OSBP2: variants seen among roughly 807,000 people sequenced by gnomAD.
OSBP2 encodes oxysterol binding protein 2.
In OSBP2, 66 loss-of-function variants were observed where a neutral mutation model predicts 96.0. That is an observed-to-expected ratio of 0.69 (90% CI 0.56 to 0.84). The LOEUF (loss-of-function observed/expected upper bound fraction) is 0.84. Among genes scored for constraint, OSBP2 ranks in the 40% least tolerant of loss-of-function variants. The probability of loss-of-function intolerance (pLI) is 0.00; values close to 1 mark genes in which losing one functional copy is unlikely to be tolerated. For synonymous variants in OSBP2, 525 were observed against 520.9 expected, an observed-to-expected ratio of 1.01 and a Z score of -0.11; for missense variants, 1,038 against 1,222.7, an observed-to-expected ratio of 0.85 and a Z score of 2.25.
rs552450831 is a variant in OSBP2 at position 30,697,188 on chromosome 22, T to A, written c.644+1635T>A. Among the ~76,000 whole-genome samples, 22 of 152,318 alleles carry A rather than the reference T, an allele frequency of 1.4e-4. 1 individual carries two copies. The South Asian group carries it at 4.6e-3, about 32-fold the overall frequency. On this transcript the variant is annotated intron_variant, in intron 1 of 13. Coordinates refer to ENST00000332585, the MANE Select transcript of OSBP2 (RefSeq NM_030758.4). The stretch of plus-strand genomic sequence containing the variant: ...TTAAAGGTAATGTTTATAAGTATAG[T>A]CTCCCACAGTGGCAGAAATGCCTGG...
intron 1 of OSBP2, among the ~76,000 whole-genome samples, chr22:30,702,451 T>C (rs1333018334): frequency 1.3e-5 from 2 of 152,046 alleles, no homozygotes; most frequent in African/African-American, 4.8e-5. Context: ...CTGTCTGTAC[T>C]AAAAATACAA....
intron 2 of OSBP2, among the ~76,000 whole-genome samples, chr22:30,859,283 T>G (rs2039156631): frequency 6.6e-6 from 1 of 152,224 alleles, no homozygotes; most frequent in African/African-American, 2.4e-5. Context: ...GATCAGTGGC[T>G]TCTCCAGTGT....
chr22:30,731,857 C>G (rs952943544), intron 1 of OSBP2, among the ~76,000 whole-genome samples: 1 of 152,104 alleles, frequency 6.6e-6, no homozygotes, highest in African/African-American at 2.4e-5. Context: ...CTGGTGTGCT[C>G]ATTGTTACTC....
intron 2 of OSBP2, among the ~76,000 whole-genome samples, chr22:30,860,917 G>A (rs1431197556): frequency 6.6e-6 from 1 of 152,164 alleles, no homozygotes; most frequent in Non-Finnish European, 1.5e-5. Context: ...TGGCTGCCCG[G>A]TGCTGTCCAT....
chr22:30,726,684 C>G (rs1198733605), intron 1 of OSBP2, among the ~76,000 whole-genome samples: 4 of 152,108 alleles, frequency 2.6e-5, no homozygotes, highest in African/African-American at 9.7e-5. Context: ...ATGTGACATT[C>G]AGTGATGGGA....
intron 2 of OSBP2, among the ~76,000 whole-genome samples, chr22:30,858,748 GGA>G (rs2039139815): frequency 1.3e-5 from 2 of 151,350 alleles, no homozygotes; most frequent in Admixed American, 1.3e-4. Context: ...GTGTGGTGGT[GGA>G]TGCTTGTAAT....
intron 2 of OSBP2, among the ~76,000 whole-genome samples, chr22:30,761,635 T>C (rs1051453422): frequency 1.3e-5 from 2 of 152,096 alleles, no homozygotes; most frequent in African/African-American, 4.8e-5. Context: ...TAAAGCAACT[T>C]TGAAAAAGAA....
At chr22:30,825,911 T>A (rs2038393053) in intron 2 of OSBP2, among the ~76,000 whole-genome samples, 1 of 152,062 alleles carries the variant, frequency 6.6e-6, no homozygotes, top group African/African-American at 2.4e-5. Context: ...GGGTGATGTG[T>A]CTCAGAAACA....
chr22:30,820,863 C>T (rs2038257953), intron 2 of OSBP2, among the ~76,000 whole-genome samples: 1 of 152,194 alleles, frequency 6.6e-6, no homozygotes. Context: ...AGGATTAATT[C>T]TCCAGGTGAA....
chr22:30,765,484 C>T (rs190112467), intron 2 of OSBP2, among the ~76,000 whole-genome samples: 5 of 152,270 alleles, frequency 3.3e-5, no homozygotes, highest in Admixed American at 1.3e-4. Flanking sequence ...GCTAGAATTA[C>T]AGGCGTGAGC....
intron 3 of OSBP2, among the ~76,000 whole-genome samples, chr22:30,880,414 G>A (rs532229556): frequency 1.3e-5 from 2 of 152,328 alleles, no homozygotes; most frequent in East Asian, 3.9e-4. Context: ...TGCACCAGGG[G>A]TGCTGGGACC....
At chr22:30,702,943 G>C (rs1230606588) in intron 1 of OSBP2, among the ~76,000 whole-genome samples, 1 of 152,178 alleles carries the variant, frequency 6.6e-6, no homozygotes, top group Non-Finnish European at 1.5e-5. Context: ...TTGCCTGTGA[G>C]TTTATGGGAT....
At chr22:30,855,096 C>T (rs5749179) in intron 2 of OSBP2, among the ~76,000 whole-genome samples, 1 of 152,200 alleles carries the variant, frequency 6.6e-6, no homozygotes, top group Non-Finnish European at 1.5e-5. Context: ...ATTATGGGAA[C>T]TACAATTCAG....
In OSBP2 at chr22:30,832,525, A is replaced by G. The variant is rs568029526; in HGVS notation, c.854-37904A>G. 3.6e-4 allele frequency among the ~76,000 whole-genome samples: 54 copies of G among 152,074 alleles called. No homozygotes were observed. The South Asian group carries it at 0.01, about 29-fold the overall frequency. ...AGGCTGGTTTTGAACTCTTGGCCTC[A>G]AGTGCTCCTCCTGCCTTGGCCTTCC... is the stretch of plus-strand genomic sequence containing the variant. On this transcript the variant is annotated intron_variant, in intron 2 of 13. Coordinates refer to ENST00000332585, the MANE Select transcript of OSBP2 (RefSeq NM_030758.4).
chr22:30,694,052 T>G (rs775631326), upstream of OSBP2: 19 of 1,537,374 alleles, frequency 1.2e-5, no homozygotes, highest in African/African-American at 3.0e-5. Flanking sequence ...ATGGACCTAC[T>G]CTGGAAAAAT....
At position 30,864,139 on chromosome 22, in the gene OSBP2, T is replaced by C. The variant is rs968757749; in HGVS notation, c.854-6290T>C. 4.6e-5 allele frequency among the ~76,000 whole-genome samples: 7 copies of C among 152,120 alleles called. 1 individual carries two copies. In the South Asian group the frequency reaches 1.5e-3, roughly 32 times the overall value. ...GTGCCCACCACCATGCCCAGCTAAT[T>C]TTTTGTATTTTTAGTAGAAATGGGG... On this transcript the variant is annotated intron_variant, in intron 2 of 13. Transcript: ENST00000332585.
chr22:30,818,662 ATGTG>A (rs148906134), intron 2 of OSBP2, among the ~76,000 whole-genome samples: 1 of 151,802 alleles, frequency 6.6e-6, no homozygotes, highest in Admixed American at 6.6e-5. Context: ...TATTTGTTGA[ATGTG>A]TGTGTGTGTG....
chr22:30,763,043 C>A (rs993119793), intron 2 of OSBP2, among the ~76,000 whole-genome samples: 3 of 152,188 alleles, frequency 2.0e-5, no homozygotes, highest in Non-Finnish European at 2.9e-5. Context: ...TGACCTTGGA[C>A]AAGTTGCTTG....
At chr22:30,764,306 G>A (rs1370034598) in intron 2 of OSBP2, 29 of 985,008 alleles carry the variant, frequency 2.9e-5, no homozygotes, top group Non-Finnish European at 3.5e-5. Context: ...GGAGGGGGTT[G>A]GGTGGCTGGT....
Sources: allele counts gnomAD v4.1 joint callset (sites outside exome capture counted in the v4.1 genomes callset), GRCh38; gene constraint gnomAD v4.1.1; transcripts MANE v1.5; gene names NCBI Gene and HGNC (gene_info 2026-07-23, HGNC 2026-07-21).